ADAM23: variants seen among roughly 807,000 people sequenced by gnomAD.
ADAM23 encodes the protein ADAM metallopeptidase domain 23.
A neutral mutation model predicts 120.1 loss-of-function variants in ADAM23; 33 were observed. The ratio of observed to expected loss-of-function variants is 0.27; its 90% CI spans 0.21 to 0.37. ADAM23 has a LOEUF of 0.37. ADAM23 is among the 10% of genes least tolerant of loss of function. The pLI is 1.00. For synonymous variants in ADAM23, 367 were observed against 375.2 expected (o/e 0.98, Z 0.25); for missense variants, 862 against 1,058.2 (o/e 0.81, Z 2.57).
At chr2:206,586,344 AGGT>A (rs1698321199) in intron 18 of ADAM23, among the ~76,000 whole-genome samples, 2 of 152,184 alleles carry the variant, frequency 1.3e-5, no homozygotes, top group Admixed American at 1.3e-4. Context: ...TCCAGGTGAG[AGGT>A]GGTGGTGGCT....
At chr2:206,446,958 G>T (rs1430399549) in intron 2 of ADAM23, among the ~76,000 whole-genome samples, 1 of 152,186 alleles carries the variant, frequency 6.6e-6, no homozygotes, top group African/African-American at 2.4e-5. Context: ...AGACCTTTTA[G>T]AGTTAAGTGG....
intron 15 of ADAM23, among the ~76,000 whole-genome samples, 159 bp downstream of exon 15, chr2:206,567,481 C>T (rs2105827776): frequency 6.6e-6 from 1 of 152,218 alleles, no homozygotes; most frequent in South Asian, 2.1e-4. Flanking sequence ...AAGATTGAGT[C>T]CTGTTTAAAT....
intron 2 of ADAM23, among the ~76,000 whole-genome samples, chr2:206,459,272 C>T (rs576901985): frequency 4.6e-4 from 70 of 152,290 alleles, no homozygotes; most frequent in African/African-American, 1.5e-3. Flanking sequence ...TTACTTTTGG[C>T]TTTGCAGTGG....
intron 3 of ADAM23, among the ~76,000 whole-genome samples, 190 bp from the exon 4 acceptor site, chr2:206,530,695 C>T (rs1165232306): frequency 5.9e-5 from 5 of 84,170 alleles, no homozygotes; most frequent in African/African-American, 1.8e-4. Flanking sequence ...TTTTTTTCTG[C>T]AGATTGGGGA....
chr2:206,582,058 A>G (rs1698229011), intron 18 of ADAM23, among the ~76,000 whole-genome samples: 1 of 152,102 alleles, frequency 6.6e-6, no homozygotes, highest in Non-Finnish European at 1.5e-5. Flanking sequence ...TTGTATTTTT[A>G]GTAGAGACAG....
intron 2 of ADAM23, among the ~76,000 whole-genome samples, chr2:206,468,901 G>C (rs1047008855): frequency 6.6e-6 from 1 of 152,196 alleles, no homozygotes; most frequent in Admixed American, 6.5e-5. Context: ...GTGGTGGAAA[G>C]CAAAGTGGGA....
rs1695061482 is a variant in ADAM23 at position 206,445,444 on chromosome 2, A to G, written c.352A>G (p.Ile118Val). 4.3e-6 allele frequency: 7 copies of G among 1,614,052 alleles called. No homozygotes were observed. The highest frequency in any genetic ancestry group is 3.3e-4 in the Middle Eastern group (2 of 6,084). Residue 118 changes from isoleucine (I) to valine (V), a missense_variant, in exon 2 of 26, where the codon ATA becomes GTA. Around this residue, in one of 4 missense-constraint regions of ADAM23, gnomAD observed 225 missense variants for 204.0 expected, o/e 1.10. Coordinates refer to ENST00000264377, the MANE Select transcript of ADAM23 (RefSeq NM_003812.4). Reference sequence around the variant, plus strand: ...AGAAATCACACTGCCTTCAAGACTCATATATTACATCAACCAAGACTCGGA... The same window carrying G: ...AGAAATCACACTGCCTTCAAGACTCGTATATTACATCAACCAAGACTCGGA... ...QKEITLPSRL[I>V]YYINQDSESP...
intron 24 of ADAM23, among the ~76,000 whole-genome samples, chr2:206,600,066 G>A (rs189659901): frequency 0.017 from 2,518 of 152,282 alleles, 33 homozygotes; most frequent in Non-Finnish European, 0.027. Context: ...GTTGGGCGTG[G>A]TGGCAGGCAC....
intron 2 of ADAM23, among the ~76,000 whole-genome samples, chr2:206,474,360 T>C (rs1281836760): frequency 6.6e-6 from 1 of 152,248 alleles, no homozygotes; most frequent in East Asian, 1.9e-4. Context: ...TAATTAGCAA[T>C]AAAAATACAA....
chr2:206,594,675 A>G (rs1698487169), intron 22 of ADAM23, 62 bp from the exon 23 acceptor site: 20 of 1,590,028 alleles, frequency 1.3e-5, no homozygotes, highest in Non-Finnish European at 1.7e-5. Context: ...AGCAAGCCTC[A>G]TTCATGGAAT....
chr2:206,588,199 C>G, intron 20 of ADAM23, 45 bp downstream of exon 20: 1 of 1,593,956 alleles, frequency 6.3e-7, no homozygotes, highest in Non-Finnish European at 8.6e-7. Context: ...ACCATTTTCT[C>G]TTAATAGTGT....
At chr2:206,469,414 A>G (rs1173386833) in intron 2 of ADAM23, among the ~76,000 whole-genome samples, 4 of 152,104 alleles carry the variant, frequency 2.6e-5, no homozygotes, top group East Asian at 1.9e-4. Flanking sequence ...TGCCTTCACT[A>G]TCTTCCCAGA....
At chr2:206,466,848 G>A (rs1243699126) in intron 2 of ADAM23, among the ~76,000 whole-genome samples, 2 of 152,166 alleles carry the variant, frequency 1.3e-5, no homozygotes, top group African/African-American at 4.8e-5. Context: ...AGGAGGCATG[G>A]CAGCATCTGC....
chr2:206,570,519 C>A (rs1432043388), intron 15 of ADAM23, among the ~76,000 whole-genome samples: 1 of 152,094 alleles, frequency 6.6e-6, no homozygotes, highest in East Asian at 1.9e-4. Flanking sequence ...GCCAGAGAAT[C>A]CCCCAAGAGA....
intron 2 of ADAM23, among the ~76,000 whole-genome samples, chr2:206,464,192 C>T (rs1436779766): frequency 1.3e-5 from 2 of 152,098 alleles, no homozygotes; most frequent in African/African-American, 2.4e-5. Context: ...GTTGAAAGAA[C>T]GAAACTTCCC....
chr2:206,448,612 AC>A (rs1695129331), intron 2 of ADAM23, among the ~76,000 whole-genome samples: 1 of 152,110 alleles, frequency 6.6e-6, no homozygotes, highest in African/African-American at 2.4e-5. Context: ...TGGGATTTGC[AC>A]CCCACAACCC....
intron 23 of ADAM23, 24 bp from the exon 24 acceptor site, chr2:206,596,026 CA>C: frequency 6.4e-7 from 1 of 1,557,846 alleles, no homozygotes; most frequent in Non-Finnish European, 8.8e-7. Context: ...GTGAAAATGC[CA>C]TATCTGTTCC....
At chr2:206,528,190 C>T (rs1696980125) in intron 3 of ADAM23, among the ~76,000 whole-genome samples, 1 of 152,202 alleles carries the variant, frequency 6.6e-6, no homozygotes, top group African/African-American at 2.4e-5. Context: ...GGAGACCTCT[C>T]TGCCTCCTGG....
intron 3 of ADAM23, among the ~76,000 whole-genome samples, chr2:206,500,844 A>G (rs937096920): frequency 1.3e-5 from 2 of 152,264 alleles, no homozygotes; most frequent in Admixed American, 1.3e-4. Context: ...TCACAACCTC[A>G]TGCTTTTAAT....
Sources: allele counts gnomAD v4.1 joint callset (sites outside exome capture counted in the v4.1 genomes callset), GRCh38; gene constraint gnomAD v4.1.1; regional missense constraint gnomAD v4.1.1; transcripts MANE v1.5; gene names NCBI Gene and HGNC (gene_info 2026-07-23, HGNC 2026-07-21).